Variants in NMNAT3 observed in about 807,000 individuals in gnomAD.
NMNAT3 encodes the protein nicotinamide/nicotinic acid mononucleotide adenylyltransferase 3.
Under a neutral mutation model 24.8 loss-of-function variants are expected in NMNAT3, and 21 were observed. That is an observed-to-expected ratio of 0.85 (90% CI 0.60 to 1.22). The LOEUF (loss-of-function observed/expected upper bound fraction) is 1.22. Among genes scored for constraint, NMNAT3 ranks in the 50% most tolerant of loss-of-function variants. The probability of loss-of-function intolerance (pLI) is 0.00; values close to 1 mark genes in which losing one functional copy is unlikely to be tolerated. For missense variants in NMNAT3, 387 were observed against 436.6 expected (o/e 0.89, Z 1.01); for synonymous variants, 136 against 155.2 (o/e 0.88, Z 0.92).
At chr3:139,643,606 A>G (rs1446184431) in intron 1 of NMNAT3, among the ~76,000 whole-genome samples, 1 of 152,238 alleles carries the variant, frequency 6.6e-6, no homozygotes, top group Non-Finnish European at 1.5e-5. Context: ...TAAGGACATC[A>G]TGCTAAGTAA....
intron 1 of NMNAT3, among the ~76,000 whole-genome samples, chr3:139,651,498 G>C (rs1284517183): frequency 6.6e-6 from 1 of 152,218 alleles, no homozygotes; most frequent in Non-Finnish European, 1.5e-5. Flanking sequence ...GTGATACTAA[G>C]AGAAGAGAAG....
Position 139,582,639 on chromosome 3 carries a change from CAAAAAAAAAAAAAA to C in NMNAT3, c.391+274_391+287del, listed in dbSNP as rs58495559. Among the ~76,000 whole-genome samples the C allele has an allele frequency of 5.2e-5, 3 of 57,488 alleles. No individual in the cohort carries two copies. In the East Asian group the frequency reaches 1.6e-3, roughly 31 times the overall value. The allele number at this position is 57,488 out of a possible 152,430, so 37.7% of individuals were successfully genotyped here. ...CCTGGGCAACAGAGTGGGACTGTCT[CAAAAAAAAAAAAAA>C]AAAAAAAAAAAGAAAAGAAAATGTA... On this transcript the variant is annotated intron_variant, in intron 4 of 6. Coordinates refer to ENST00000643695, the MANE Select transcript of NMNAT3 (RefSeq NM_001320510.2).
chr3:139,624,739 G>A (rs1347261965), intron 3 of NMNAT3, among the ~76,000 whole-genome samples: 1 of 152,174 alleles, frequency 6.6e-6, no homozygotes, highest in Admixed American at 6.5e-5. Context: ...ATGAGCCACC[G>A]CGCCATGCGG....
intron 1 of NMNAT3, among the ~76,000 whole-genome samples, chr3:139,669,600 T>C (rs1230609729): frequency 6.6e-6 from 1 of 151,806 alleles, no homozygotes; most frequent in East Asian, 1.9e-4. Context: ...GATGAAGAGC[T>C]ACTAAATCTT....
chr3:139,603,965 C>T (rs1576625128), intron 3 of NMNAT3, among the ~76,000 whole-genome samples: 1 of 152,308 alleles, frequency 6.6e-6, no homozygotes, highest in Middle Eastern at 3.4e-3. Context: ...ATATGTTCCC[C>T]TAGTTACTAT....
intron 6 of NMNAT3, among the ~76,000 whole-genome samples, chr3:139,563,066 C>G (rs1936650948): frequency 6.6e-6 from 1 of 152,180 alleles, no homozygotes; most frequent in Admixed American, 6.5e-5. Flanking sequence ...TCCATTTACT[C>G]ATTTATCTAC....
At chr3:139,575,900 TA>T in intron 5 of NMNAT3, 1 of 1,282,062 alleles carries the variant, frequency 7.8e-7, no homozygotes, top group Non-Finnish European at 1.0e-6. Context: ...AAGATGGCCA[TA>T]AGCATGGCTT....
chr3:139,560,736 G>C lies in NMNAT3; in HGVS notation c.*274C>G. The C allele has an allele frequency of 2.4e-6, 1 of 413,614 alleles. No individual in the cohort carries two copies. Among genetic ancestry groups the C allele is most frequent in the Non-Finnish European group, 4.3e-6 (1 of 230,196 alleles). The allele number at this position is 413,614 out of a possible 1,614,324, so 25.6% of individuals were successfully genotyped here. On this transcript the variant is annotated 3_prime_UTR_variant, in exon 7 of 7. Coordinates refer to ENST00000643695, the MANE Select transcript of NMNAT3 (RefSeq NM_001320510.2). ...CCACACAAAATAAGTAGACCTCCTT[G>C]TCCAGCAGCTCTGAGAGATTCTGCC...
chr3:139,644,969 C>T lies in NMNAT3; in HGVS notation c.-140-6907G>A, dbSNP rs1029473995. On this transcript the variant is annotated intron_variant, in intron 1 of 6. Coordinates refer to ENST00000643695, the MANE Select transcript of NMNAT3 (RefSeq NM_001320510.2). ...CTGTAATCCCAGTACTTTGGGAGGC[C>T]GAGGTGGATGGATCATGAGGTCAGG... 3.3e-5 allele frequency among the ~76,000 whole-genome samples: 5 copies of T among 151,958 alleles called. No homozygotes were observed. In the South Asian group the frequency reaches 8.3e-4, roughly 25 times the overall value.
Position 139,573,685 on chromosome 3 carries a change from G to C in NMNAT3, c.576-5C>G. 6.4e-7 allele frequency: 1 copy of C among 1,568,060 alleles called. No homozygotes were observed. Among genetic ancestry groups the C allele is most frequent in the East Asian group, 2.3e-5 (1 of 43,358 alleles). ...AGCAGTTTGCTGTGATGATGCCTGT[G>C]TTGTAAACATATGGGCTCAGGGTAT... On this transcript the variant is annotated splice_region_variant and splice_polypyrimidine_tract_variant and intron_variant, in intron 5 of 6. Transcript: ENST00000643695.
At chr3:139,608,894 T>A (rs938162992) in intron 3 of NMNAT3, among the ~76,000 whole-genome samples, 5 of 152,178 alleles carry the variant, frequency 3.3e-5, no homozygotes, top group African/African-American at 7.2e-5. Context: ...ACTTCTCTCC[T>A]GTCTCCCAAA....
intron 1 of NMNAT3, among the ~76,000 whole-genome samples, chr3:139,665,494 T>C (rs1274311504): frequency 6.6e-6 from 1 of 152,142 alleles, no homozygotes; most frequent in African/African-American, 2.4e-5. Flanking sequence ...GGAGACATGG[T>C]AAGTGCCATG....
At chr3:139,604,141 T>C (rs1036387797) in intron 3 of NMNAT3, among the ~76,000 whole-genome samples, 12 of 152,178 alleles carry the variant, frequency 7.9e-5, no homozygotes, top group Admixed American at 2.6e-4. Context: ...GCTAAACTCA[T>C]TGGAAGATTC....
chr3:139,673,904 C>T (rs77168682), intron 1 of NMNAT3, among the ~76,000 whole-genome samples: 6,645 of 151,998 alleles, frequency 0.044, 205 homozygotes, highest in Middle Eastern at 0.11. Flanking sequence ...TTCAGCGTGG[C>T]CAGAGAAGGG....
chr3:139,566,667 A>G (rs1347944892), intron 6 of NMNAT3: 3 of 152,076 alleles, frequency 2.0e-5, no homozygotes, highest in Non-Finnish European at 4.4e-5. Flanking sequence ...AAGATCAGAT[A>G]GTTGTAGATA....
At chr3:139,658,801 T>C (rs2057325737) in intron 1 of NMNAT3, among the ~76,000 whole-genome samples, 1 of 152,178 alleles carries the variant, frequency 6.6e-6, no homozygotes, top group African/African-American at 2.4e-5. Context: ...TACAATGAAA[T>C]GCACAAATCT....
At chr3:139,677,547 C>T (rs73869371) in intron 1 of NMNAT3, among the ~76,000 whole-genome samples, 158 bp downstream of exon 1, 1 of 152,190 alleles carries the variant, frequency 6.6e-6, no homozygotes, top group East Asian at 1.9e-4. Flanking sequence ...GCTGTCCCCC[C>T]GGTTCGCGCC....
intron 6 of NMNAT3, among the ~76,000 whole-genome samples, chr3:139,572,828 G>A (rs781059149): frequency 2.0e-5 from 3 of 152,172 alleles, no homozygotes; most frequent in Non-Finnish European, 4.4e-5. Flanking sequence ...TCCTTCAGTA[G>A]AGAAACCACA....
chr3:139,614,260 C>A (rs1352154333), intron 3 of NMNAT3, among the ~76,000 whole-genome samples: 2 of 151,412 alleles, frequency 1.3e-5, no homozygotes, highest in Non-Finnish European at 2.9e-5. Context: ...AAAAAACTTT[C>A]AATGTGTCCC....
Sources: gnomAD v4.1 joint callset for allele counts (sites outside exome capture counted in the v4.1 genomes callset) on GRCh38, gnomAD v4.1.1 for gene constraint, MANE v1.5 for transcripts, NCBI Gene and HGNC (gene_info 2026-07-23, HGNC 2026-07-21) for gene names.